The following GLS variants were observed in gnomAD, a reference collection of about 807,000 sequenced individuals.
GLS encodes glutaminase.
Under a neutral mutation model 86.7 loss-of-function variants are expected in GLS, and 36 were observed. The observed-to-expected ratio is 0.42, with a 90% CI of 0.32 to 0.55. The LOEUF is 0.55. Ranked by LOEUF, GLS falls within the 20% of genes least tolerant of loss-of-function variation. The pLI is 0.17. For synonymous variants in GLS, 317 were observed against 305.9 expected (o/e 1.04, Z -0.38); for missense variants, 528 against 833.4 (o/e 0.63, Z 4.51).
intron 7 of GLS, among the ~76,000 whole-genome samples, chr2:190,919,198 C>T (rs867326030): frequency 4.6e-5 from 7 of 152,100 alleles, no homozygotes; most frequent in Non-Finnish European, 7.4e-5. Flanking sequence ...TTCTTTTGCT[C>T]TATTTACATA....
chr2:190,923,736 C>G (rs533196497), intron 9 of GLS, among the ~76,000 whole-genome samples, 181 bp from the exon 10 acceptor site: 1 of 152,272 alleles, frequency 6.6e-6, no homozygotes, highest in Admixed American at 6.5e-5. Context: ...GAAAGAATTA[C>G]CACTTAAATG....
rs1347261727 is a variant in GLS at position 190,955,882 on chromosome 2, T to A, written c.1853+1064T>A. ...GCATTTCTCTAATGACCAGTGATGA[T>A]GATATTTTTTTCACATGTTTGTTGG... is the stretch of plus-strand genomic sequence containing the variant. On this transcript the variant is annotated intron_variant, in intron 17 of 17. Coordinates refer to ENST00000320717, the MANE Select transcript of GLS (RefSeq NM_014905.5). The surrounding 1 kb of genome is among the most constrained non-coding windows in gnomAD (Gnocchi z 5.6). Among the ~76,000 whole-genome samples, 3 of 152,230 alleles carry A rather than the reference T, an allele frequency of 2.0e-5. No homozygotes were observed. The highest frequency in any genetic ancestry group is 2.9e-5 in the Non-Finnish European group (2 of 68,040).
Position 190,951,143 on chromosome 2 carries a change from T to C in GLS, c.1651-2422T>C, listed in dbSNP as rs1022305049. Among the ~76,000 whole-genome samples the C allele has an allele frequency of 1.3e-5, 2 of 152,052 alleles. No individual in the cohort carries two copies. The highest frequency in any genetic ancestry group is 6.6e-5 in the Admixed American group (1 of 15,250). ...AGATTGGACTGCCTTGGGAGTAGTA[T>C]TTGGCAGTGGAAAGTGGGTAATGAA... On this transcript the variant is annotated intron_variant, in intron 14 of 17. Transcript: ENST00000320717. The surrounding 1 kb of genome is among the most constrained non-coding windows in gnomAD (Gnocchi z 4.2).
At position 190,913,905 on chromosome 2, in the gene GLS, TC is replaced by T. The variant is rs2124876732; in HGVS notation, c.1038+3586del. ...GCCTCAAACTCCTGTGCTCAAGTGA[TC>T]CTGCCACCTCAGACTCCAGAGTAGC... is the stretch of plus-strand genomic sequence containing the variant. On this transcript the variant is annotated intron_variant, in intron 7 of 17. Coordinates refer to ENST00000320717, the MANE Select transcript of GLS (RefSeq NM_014905.5). The surrounding 1 kb of genome is among the most constrained non-coding windows in gnomAD (Gnocchi z 6.1). 5.9e-6 allele frequency: 1 copy of T among 169,986 alleles called. No individual in the cohort carries two copies. Among genetic ancestry groups the T allele is most frequent in the South Asian group, 1.9e-4 (1 of 5,142 alleles). The allele number at this position is 169,986 out of a possible 1,614,324, so 10.5% of individuals were successfully genotyped here.
chr2:190,925,212 T>G (rs1482749512), intron 11 of GLS, among the ~76,000 whole-genome samples: 8 of 152,214 alleles, frequency 5.3e-5, no homozygotes, highest in Non-Finnish European at 1.2e-4. Context: ...GGAAAAGCTT[T>G]ATTTTTTATT....
rs1459098042 is a variant in GLS at position 190,905,193 on chromosome 2, A to C, written c.979+26A>C. ...GTAAGAATTACATAAACATTGGTTG[A>C]AAAAAGAAATGTCTCATTTTCCTAT... is the stretch of plus-strand genomic sequence containing the variant. On this transcript the variant is annotated intron_variant, in intron 6 of 17. Transcript: ENST00000320717. This position sits in a 1 kb window ranked among gnomAD's most constrained non-coding sequence, Gnocchi z 4.6. 4.3e-6 allele frequency: 6 copies of C among 1,393,324 alleles called. No individual in the cohort carries two copies. Among genetic ancestry groups the C allele is most frequent in the East Asian group, 2.3e-5 (1 of 43,364 alleles). The allele number at this position is 1,393,324 out of a possible 1,614,324, so 86.3% of individuals were successfully genotyped here.
rs1689426439 is a variant in GLS, at chr2:190,913,531, ATTGC to A, written c.1038+3214_1038+3217del. On this transcript the variant is annotated intron_variant, in intron 7 of 17. Coordinates refer to ENST00000320717, the MANE Select transcript of GLS (RefSeq NM_014905.5). This position sits in a 1 kb window ranked among gnomAD's most constrained non-coding sequence, Gnocchi z 6.1. Reference sequence around the variant, plus strand: ...TTATTTGGGATTGTGATAATGTGTGATTGCTTGATTAAAAGGAAAGAACAAAAAT... The same window carrying A: ...TTATTTGGGATTGTGATAATGTGTGATTGATTAAAAGGAAAGAACAAAAAT... The A allele has an allele frequency of 3.1e-6, 3 of 966,050 alleles. No individual in the cohort carries two copies. In the South Asian group the frequency reaches 1.4e-4, roughly 46 times the overall value. The allele number at this position is 966,050 out of a possible 1,614,324, so 59.8% of individuals were successfully genotyped here. A position where few individuals can be genotyped will look rare whatever the true frequency, so the allele number is the denominator to read the frequency against.
rs914224396 is a variant in GLS at position 190,910,442 on chromosome 2, A to T, written c.1038+121A>T. Reference sequence around the variant, plus strand: ...GAAAAATTTTCTCTTGGTGTTAAGAAATTTGTCTTATGGTATAGTGTTAGG... The same window carrying T: ...GAAAAATTTTCTCTTGGTGTTAAGATATTTGTCTTATGGTATAGTGTTAGG... On this transcript the variant is annotated intron_variant, in intron 7 of 17. Transcript: ENST00000320717. The T allele has an allele frequency of 2.6e-5, 15 of 580,038 alleles. No individual in the cohort carries two copies. In the African/African-American group the frequency reaches 2.8e-4, roughly 11 times the overall value. 35.9% of individuals were successfully genotyped at this position (580,038 alleles called of 1,614,324 possible).
intron 9 of GLS, 54 bp from the exon 10 acceptor site, chr2:190,923,863 A>G (rs1689820850): frequency 9.4e-7 from 1 of 1,058,338 alleles, no homozygotes. Context: ...AATTATGAAC[A>G]ATCACACTTT....
At chr2:190,909,327 A>G (rs1229732714) in intron 6 of GLS, among the ~76,000 whole-genome samples, 1 of 152,232 alleles carries the variant, frequency 6.6e-6, no homozygotes, top group Admixed American at 6.5e-5. Flanking sequence ...TAATGAGAAG[A>G]CAAAGTATGC....
rs1184354434 is a variant in GLS, at chr2:190,935,455, T to G, written c.1650+3818T>G. ...CTGCCTCAAAGTAAACTAGAAATAT[T>G]CAAAAGGGCTTTATTTGATTTTTTA... On this transcript the variant is annotated intron_variant, in intron 14 of 17. Transcript: ENST00000320717. The surrounding 1 kb of genome is among the most constrained non-coding windows in gnomAD (Gnocchi z 4.2). Among the ~76,000 whole-genome samples the G allele has an allele frequency of 6.6e-6, 1 of 151,386 alleles. No individual in the cohort carries two copies.
rs1315126540 is a variant in GLS at position 190,920,567 on chromosome 2, T to G, written c.1039-457T>G. 1.3e-5 allele frequency among the ~76,000 whole-genome samples: 2 copies of G among 151,886 alleles called. No individual in the cohort carries two copies. Among genetic ancestry groups the G allele is most frequent in the Non-Finnish European group, 3.0e-5 (2 of 67,780 alleles). On this transcript the variant is annotated intron_variant, in intron 7 of 17. Coordinates refer to ENST00000320717, the MANE Select transcript of GLS (RefSeq NM_014905.5). This position sits in a 1 kb window ranked among gnomAD's most constrained non-coding sequence, Gnocchi z 4.2. ...TTGCAACATAATTCATTTTTCTAACTCTGATATTAGTTTAAGGATTTAATA... is the reference window on the plus strand; with the variant it reads ...TTGCAACATAATTCATTTTTCTAACGCTGATATTAGTTTAAGGATTTAATA...
At position 190,895,343 on chromosome 2, in the gene GLS, A is replaced by G. The variant is rs920023120; in HGVS notation, c.483+95A>G. On this transcript the variant is annotated intron_variant, in intron 2 of 17. Transcript: ENST00000320717. This position sits in a 1 kb window ranked among gnomAD's most constrained non-coding sequence, Gnocchi z 4.2. The stretch of plus-strand genomic sequence containing the variant: ...AATATAGTCTTAAAGGTCGTCTGAC[A>G]TGTAGATTCTGACTGACAATATTTC... 3 of 575,452 alleles carry G rather than the reference A, an allele frequency of 5.2e-6. No homozygotes were observed. The highest frequency in any genetic ancestry group is 2.9e-5 in the East Asian group (1 of 34,524). The allele number at this position is 575,452 out of a possible 1,614,324, so 35.6% of individuals were successfully genotyped here.
chr2:190,919,434 T>C (rs953770763), intron 7 of GLS, among the ~76,000 whole-genome samples: 3 of 152,136 alleles, frequency 2.0e-5, no homozygotes, highest in Non-Finnish European at 4.4e-5. Context: ...GTAAGAGTTT[T>C]ATAGGGTACA....
chr2:190,905,421 A>G lies in GLS; in HGVS notation c.979+254A>G, dbSNP rs1034459180. On this transcript the variant is annotated intron_variant, in intron 6 of 17. Coordinates refer to ENST00000320717, the MANE Select transcript of GLS (RefSeq NM_014905.5). This position sits in a 1 kb window ranked among gnomAD's most constrained non-coding sequence, Gnocchi z 4.6. ...TTTAGGGAAATATAGCGAAATCTCA[A>G]AATACATGAGATTTGCTTTAAAATA... is the stretch of plus-strand genomic sequence containing the variant. The G allele has an allele frequency of 1.1e-5, 4 of 368,662 alleles. No individual in the cohort carries two copies. Among genetic ancestry groups the G allele is most frequent in the Non-Finnish European group, 1.5e-5 (3 of 202,580 alleles). 22.8% of individuals were successfully genotyped at this position (368,662 alleles called of 1,614,324 possible).
Position 190,938,185 on chromosome 2 carries a change from AT to A in GLS, c.1650+6554del, listed in dbSNP as rs1296866294. Among the ~76,000 whole-genome samples, 1 of 151,300 alleles carries A rather than the reference AT, an allele frequency of 6.6e-6. No homozygotes were observed. Among genetic ancestry groups the A allele is most frequent in the Non-Finnish European group, 1.5e-5 (1 of 67,458 alleles). On this transcript the variant is annotated intron_variant, in intron 14 of 17. Coordinates refer to ENST00000320717, the MANE Select transcript of GLS (RefSeq NM_014905.5). The surrounding 1 kb of genome is among the most constrained non-coding windows in gnomAD (Gnocchi z 4.1). ...ACATAGTATGATTAAAAATAATGGT[AT>A]TTTTTCATTAGGTATTTACCTTGCT...
intron 7 of GLS, among the ~76,000 whole-genome samples, chr2:190,915,375 A>G (rs987250505): frequency 6.6e-6 from 1 of 152,126 alleles, no homozygotes; most frequent in Admixed American, 6.5e-5. Flanking sequence ...TTTTTTAAAA[A>G]TCATTTGGTG....
At chr2:190,900,764 G>A in intron 4 of GLS, 71 bp downstream of exon 4, 1 of 1,206,436 alleles carries the variant, frequency 8.3e-7, no homozygotes, top group Non-Finnish European at 1.2e-6. Context: ...GAGGTCTAGA[G>A]AGTAAATTGT....
intron 17 of GLS, among the ~76,000 whole-genome samples, chr2:190,959,506 T>C (rs781404509): frequency 9.2e-5 from 14 of 152,240 alleles, no homozygotes; most frequent in Non-Finnish European, 1.9e-4. Flanking sequence ...ATGCAGTTTC[T>C]TCATAGTGTC....
Sources: gnomAD v4.1 joint callset for allele counts (sites outside exome capture counted in the v4.1 genomes callset) on GRCh38, gnomAD v4.1.1 for gene constraint, Gnocchi (gnomAD v3.1) non-coding constraint, MANE v1.5 for transcripts, NCBI Gene and HGNC (gene_info 2026-07-23, HGNC 2026-07-21) for gene names.